RAB28: variants seen among roughly 807,000 people sequenced by gnomAD.
RAB28 encodes ras-related protein Rab-28.
In RAB28, 24 loss-of-function variants were observed where a neutral mutation model predicts 31.7. The ratio of observed to expected loss-of-function variants is 0.76; its 90% confidence interval spans 0.55 to 1.06. The LOEUF is 1.06. Ranked by LOEUF, RAB28 falls within the 50% of genes least tolerant of loss-of-function variation. The pLI is 0.00. For missense variants in RAB28, 254 were observed against 258.5 expected (o/e 0.98, Z 0.12); for synonymous variants, 100 against 90.4 (o/e 1.11, Z -0.60).
At chr4:13,381,906 C>T (rs776038832) in intron 4 of RAB28, among the ~76,000 whole-genome samples, 1 of 152,114 alleles carries the variant, frequency 6.6e-6, no homozygotes, top group African/African-American at 2.4e-5. Flanking sequence ...TTCAGGCACA[C>T]TGATGATGCT....
chr4:13,465,499 A>G (rs898350723), intron 3 of RAB28, among the ~76,000 whole-genome samples: 2 of 150,890 alleles, frequency 1.3e-5, no homozygotes, highest in Non-Finnish European at 2.9e-5. Context: ...GTGAAATTTT[A>G]AAGTACTGAC....
chr4:13,405,757 CATT>C lies in RAB28; in HGVS notation c.392-24166_392-24164del, dbSNP rs1313241263. On this transcript the variant is annotated intron_variant, in intron 4 of 6. Coordinates refer to ENST00000330852, the MANE Select transcript of RAB28 (RefSeq NM_001017979.3). ...ACTGTGAGAATTCAGAACAAATAAA[CATT>C]ATAGCTTTTCATGATAGAGCACTAA... 2.0e-5 allele frequency among the ~76,000 whole-genome samples: 3 copies of C among 152,044 alleles called. No individual in the cohort carries two copies. The South Asian group carries it at 6.2e-4, about 31-fold the overall frequency.
At chr4:13,390,796 C>A (rs966981368) in intron 4 of RAB28, among the ~76,000 whole-genome samples, 36 of 152,184 alleles carry the variant, frequency 2.4e-4, no homozygotes, top group African/African-American at 7.5e-4. Flanking sequence ...CAAAAACAAG[C>A]AATGGGGAAA....
chr4:13,462,842 G>C (rs1488715126), intron 3 of RAB28, among the ~76,000 whole-genome samples: 1 of 152,094 alleles, frequency 6.6e-6, no homozygotes, highest in African/African-American at 2.4e-5. Flanking sequence ...TTCTTATTAA[G>C]AATAAAGCCC....
chr4:13,419,227 C>A (rs1712973786), intron 4 of RAB28, among the ~76,000 whole-genome samples: 1 of 152,100 alleles, frequency 6.6e-6, no homozygotes, highest in Admixed American at 6.5e-5. Flanking sequence ...GCACGCAATA[C>A]AGGAGCACCC....
Position 13,412,437 on chromosome 4 carries a change from A to T in RAB28, c.392-30843T>A, listed in dbSNP as rs569619335. ...GTGGCTGGGGGGAAGAACAATTAAA[A>T]TATATATTCTCACACAAACAACCCT... On this transcript the variant is annotated intron_variant, in intron 4 of 6. Transcript: ENST00000330852. Among the ~76,000 whole-genome samples the T allele has an allele frequency of 8.6e-5, 13 of 151,646 alleles. No homozygotes were observed. In the South Asian group the frequency reaches 2.6e-3, roughly 30 times the overall value.
chr4:13,436,681 A>G (rs1257487210), intron 4 of RAB28, among the ~76,000 whole-genome samples: 1 of 152,176 alleles, frequency 6.6e-6, no homozygotes, highest in Non-Finnish European at 1.5e-5. Context: ...AAAACTACAA[A>G]ACACTGCTAA....
At chr4:13,458,566 C>T (rs1481985005) in intron 4 of RAB28, among the ~76,000 whole-genome samples, 4 of 152,006 alleles carry the variant, frequency 2.6e-5, no homozygotes, top group Non-Finnish European at 5.9e-5. Flanking sequence ...CTTTTTCTGA[C>T]CTCAAATAAG....
At chr4:13,375,345 A>C (rs1369315686) in intron 6 of RAB28, among the ~76,000 whole-genome samples, 3 of 152,192 alleles carry the variant, frequency 2.0e-5, no homozygotes, top group Non-Finnish European at 2.9e-5. Flanking sequence ...AAAGTCTTTT[A>C]ATTCTTTTTT....
At chr4:13,445,500 T>C (rs1403912230) in intron 4 of RAB28, among the ~76,000 whole-genome samples, 1 of 152,208 alleles carries the variant, frequency 6.6e-6, no homozygotes, top group Non-Finnish European at 1.5e-5. Context: ...TTCGTGGATT[T>C]ATCTACCTTT....
At chr4:13,410,853 T>C (rs1232449731) in intron 4 of RAB28, among the ~76,000 whole-genome samples, 2 of 152,042 alleles carry the variant, frequency 1.3e-5, no homozygotes, top group African/African-American at 4.8e-5. Context: ...CTGGTTAATT[T>C]AGGAGCCATA....
intron 4 of RAB28, among the ~76,000 whole-genome samples, chr4:13,406,225 C>T (rs1314895291): frequency 1.3e-5 from 2 of 152,146 alleles, no homozygotes; most frequent in South Asian, 4.1e-4. Flanking sequence ...TTGTTCAACT[C>T]CCACTTATGA....
chr4:13,429,652 A>G (rs1468851697), intron 4 of RAB28, among the ~76,000 whole-genome samples: 1 of 152,114 alleles, frequency 6.6e-6, no homozygotes, highest in Non-Finnish European at 1.5e-5. Flanking sequence ...GAATAGAAAG[A>G]CTCCTCATGT....
At chr4:13,393,001 C>T (rs1729709044) in intron 4 of RAB28, among the ~76,000 whole-genome samples, 1 of 152,078 alleles carries the variant, frequency 6.6e-6, no homozygotes, top group Non-Finnish European at 1.5e-5. Flanking sequence ...CTGGCATATA[C>T]TCAATAAGTA....
At chr4:13,422,466 C>T (rs1440197915) in intron 4 of RAB28, among the ~76,000 whole-genome samples, 1 of 152,170 alleles carries the variant, frequency 6.6e-6, no homozygotes, top group Non-Finnish European at 1.5e-5. Flanking sequence ...TATTGCGGCA[C>T]TATTCACAAT....
At position 13,385,450 on chromosome 4, in the gene RAB28, A is replaced by G. The variant is rs556742336; in HGVS notation, c.392-3856T>C. Among the ~76,000 whole-genome samples the G allele has an allele frequency of 5.9e-5, 9 of 152,308 alleles. No homozygotes were observed. The East Asian group carries it at 1.7e-3, about 29-fold the overall frequency. On this transcript the variant is annotated intron_variant, in intron 4 of 6. Coordinates refer to ENST00000330852, the MANE Select transcript of RAB28 (RefSeq NM_001017979.3). ...AAGGAAAAATGTTAAAAGCAGCTAGAGAGAAGGGTCAGGTCACATACAAAG... is the reference window on the plus strand; with the variant it reads ...AAGGAAAAATGTTAAAAGCAGCTAGGGAGAAGGGTCAGGTCACATACAAAG...
chr4:13,455,250 A>G (rs946732269), intron 4 of RAB28, among the ~76,000 whole-genome samples: 2 of 152,188 alleles, frequency 1.3e-5, no homozygotes, highest in African/African-American at 4.8e-5. Flanking sequence ...CCACTCTACC[A>G]GCCTGAGGGT....
At chr4:13,378,820 T>C (rs1729018815) in intron 5 of RAB28, among the ~76,000 whole-genome samples, 1 of 152,112 alleles carries the variant, frequency 6.6e-6, no homozygotes, top group Non-Finnish European at 1.5e-5. Context: ...AGTTGTCTTC[T>C]GTTTGTTTCA....
chr4:13,390,463 T>A (rs1039042439), intron 4 of RAB28, among the ~76,000 whole-genome samples: 5 of 151,864 alleles, frequency 3.3e-5, no homozygotes, highest in African/African-American at 7.3e-5. Context: ...ATAGGAAGAA[T>A]CAATATCATG....
Sources: gnomAD v4.1 joint callset for allele counts (sites outside exome capture counted in the v4.1 genomes callset) on GRCh38, gnomAD v4.1.1 for gene constraint, MANE v1.5 for transcripts, NCBI Gene and HGNC (gene_info 2026-07-23, HGNC 2026-07-21) for gene names.